HSPA14: variants seen among roughly 807,000 people sequenced by gnomAD.
The protein encoded by HSPA14 is heat shock protein family A (Hsp70) member 14.
A neutral mutation model predicts 65.5 loss-of-function variants in HSPA14; 37 were observed. The ratio of observed to expected loss-of-function variants is 0.56; its 90% CI spans 0.43 to 0.74. The LOEUF (loss-of-function observed/expected upper bound fraction) is 0.74. Ranked by LOEUF, HSPA14 falls within the 30% of genes least tolerant of loss-of-function variation. HSPA14 has a pLI of 0.00. For missense variants in HSPA14, 564 were observed against 607.6 expected (o/e 0.93, Z 0.75); for synonymous variants, 203 against 214.2 (o/e 0.95, Z 0.46).
Position 14,867,307 on chromosome 10 carries a change from T to A in HSPA14, c.1206+12T>A. 1 of 1,542,054 alleles carries A rather than the reference T, an allele frequency of 6.5e-7. No individual in the cohort carries two copies. The highest frequency in any genetic ancestry group is 9.0e-7 in the Non-Finnish European group (1 of 1,114,706). On this transcript the variant is annotated intron_variant, in intron 11 of 13. Coordinates refer to ENST00000378372, the MANE Select transcript of HSPA14 (RefSeq NM_016299.4). ...ATATTTTAGTTAAGGTATGTTTAGCTTTTGTATACTAGTTAAGGTATGTTT... is the reference window on the plus strand; with the variant it reads ...ATATTTTAGTTAAGGTATGTTTAGCATTTGTATACTAGTTAAGGTATGTTT...
At chr10:14,862,371 C>T (rs963093494) in intron 10 of HSPA14, among the ~76,000 whole-genome samples, 2 of 142,258 alleles carry the variant, frequency 1.4e-5, no homozygotes, top group African/African-American at 5.3e-5. Flanking sequence ...TCTTTCTTTT[C>T]TTTTCTTTTT....
In HSPA14 at chr10:14,840,141, C is replaced by A; in HGVS notation, c.205C>A (p.Gln69Lys). ...NISNTVMKVK[Q>K]ILGRSSSDPQ... ...TTCAAATACAGTAATGAAAGTAAAGCAGATCCTGGGCAGAAGGTATGGAAT... is the reference window on the plus strand; with the variant it reads ...TTCAAATACAGTAATGAAAGTAAAGAAGATCCTGGGCAGAAGGTATGGAAT... Residue 69 changes from glutamine to lysine, a missense_variant, in exon 3 of 14, where the codon CAG becomes AAG. Physicochemically the swap from Gln to Lys is moderately conservative, Grantham distance 53. Coordinates refer to ENST00000378372, the MANE Select transcript of HSPA14 (RefSeq NM_016299.4). 1.4e-6 allele frequency: 2 copies of A among 1,452,684 alleles called. No homozygotes were observed. Among genetic ancestry groups the A allele is most frequent in the Non-Finnish European group, 1.8e-6 (2 of 1,086,346 alleles). The allele number at this position is 1,452,684 out of a possible 1,614,324, so 90.0% of individuals were successfully genotyped here.
chr10:14,864,101 C>A (rs964956631), intron 10 of HSPA14, among the ~76,000 whole-genome samples: 33 of 151,762 alleles, frequency 2.2e-4, no homozygotes, highest in African/African-American at 8.0e-4. Flanking sequence ...CCCTGTAGTC[C>A]CAGCTACTCG....
At chr10:14,861,414 C>G (rs915695419) in intron 10 of HSPA14, among the ~76,000 whole-genome samples, 31 of 152,198 alleles carry the variant, frequency 2.0e-4, no homozygotes, top group African/African-American at 7.2e-4. Flanking sequence ...CAACCCCTGT[C>G]TCCCAGGCTC....
intron 12 of HSPA14, among the ~76,000 whole-genome samples, chr10:14,869,776 T>G (rs1488062857): frequency 1.3e-5 from 2 of 152,238 alleles, no homozygotes; most frequent in Non-Finnish European, 2.9e-5. Context: ...TGAACTCAGA[T>G]GGCAGTCCTA....
intron 10 of HSPA14, among the ~76,000 whole-genome samples, chr10:14,859,630 T>C (rs540934438): frequency 6.6e-6 from 1 of 152,328 alleles, no homozygotes; most frequent in African/African-American, 2.4e-5. Flanking sequence ...TTTCATTGCA[T>C]TGATGTACCG....
chr10:14,838,753 G>A (rs76473928), intron 1 of HSPA14, among the ~76,000 whole-genome samples: 5,752 of 152,214 alleles, frequency 0.038, 377 homozygotes, highest in African/African-American at 0.13. Flanking sequence ...GTAGCTGCAG[G>A]GTGCCCGGGG....
In HSPA14 at chr10:14,842,688, G is replaced by A; in HGVS notation, c.221+2531G>A. ...GCCTCTGACGCCCCAGGGGAAGAGG[G>A]AACCGGCATTCTAAAATCAAAAAGG... is the stretch of plus-strand genomic sequence containing the variant. On this transcript the variant is annotated intron_variant, in intron 3 of 13. Transcript: ENST00000378372. This position sits in a 1 kb window ranked among gnomAD's most constrained non-coding sequence, Gnocchi z 5.2. 1 of 1,536,332 alleles carries A rather than the reference G, an allele frequency of 6.5e-7. No individual in the cohort carries two copies. Among genetic ancestry groups the A allele is most frequent in the Non-Finnish European group, 8.7e-7 (1 of 1,146,962 alleles).
chr10:14,860,027 ACTTC>A lies in HSPA14; in HGVS notation c.993+4088_993+4091del, dbSNP rs1390101740. ...GGTATCTGTTCAAATCTTCTTTAAT[ACTTC>A]CTTGTTTTCTTAATATTTACTGTTA... On this transcript the variant is annotated intron_variant, in intron 10 of 13. Transcript: ENST00000378372. 2.6e-5 allele frequency among the ~76,000 whole-genome samples: 4 copies of A among 152,098 alleles called. No individual in the cohort carries two copies. The East Asian group carries it at 7.7e-4, about 29-fold the overall frequency.
intron 10 of HSPA14, among the ~76,000 whole-genome samples, chr10:14,858,616 A>G (rs1424106573): frequency 1.3e-5 from 2 of 152,206 alleles, no homozygotes; most frequent in East Asian, 3.9e-4. Context: ...GGTGCATGTC[A>G]GTGCATTCAC....
In HSPA14 at chr10:14,839,103, C is replaced by T. The variant is rs371021515; in HGVS notation, c.57+644C>T. On this transcript the variant is annotated intron_variant, in intron 1 of 13. Coordinates refer to ENST00000378372, the MANE Select transcript of HSPA14 (RefSeq NM_016299.4). ...GTGAAGCCAGTTGATGGTGCGTGGT[C>T]TACAGAGGTGGCCTTTCTGGAAGTG... is the stretch of plus-strand genomic sequence containing the variant. Among the ~76,000 whole-genome samples, 14 of 152,296 alleles carry T rather than the reference C, an allele frequency of 9.2e-5. No individual in the cohort carries two copies. The South Asian group carries it at 2.3e-3, about 25-fold the overall frequency.
intron 3 of HSPA14, chr10:14,844,985 T>A: frequency 1.0e-6 from 1 of 985,468 alleles, no homozygotes; most frequent in African/African-American, 1.7e-5. Flanking sequence ...GTTTATGTAG[T>A]TAATGGCATC....
At chr10:14,838,954 G>T (rs1833931793) in intron 1 of HSPA14, among the ~76,000 whole-genome samples, 1 of 152,214 alleles carries the variant, frequency 6.6e-6, no homozygotes. Flanking sequence ...GGTACTTGGA[G>T]GCGGTGGTCT....
intron 12 of HSPA14, among the ~76,000 whole-genome samples, chr10:14,868,998 C>T (rs994151718): frequency 1.3e-5 from 2 of 152,066 alleles, no homozygotes; most frequent in Non-Finnish European, 2.9e-5. Flanking sequence ...AGGCGCCCAC[C>T]ACCACGTTCG....
chr10:14,842,406 A>T lies in HSPA14; in HGVS notation c.221+2249A>T. Reference sequence around the variant, plus strand: ...CTCCAGACTGTGCATCACAATGCAGATGTCTATCAGGCTGTGTCTAAGCGA... The same window carrying T: ...CTCCAGACTGTGCATCACAATGCAGTTGTCTATCAGGCTGTGTCTAAGCGA... On this transcript the variant is annotated intron_variant, in intron 3 of 13. Coordinates refer to ENST00000378372, the MANE Select transcript of HSPA14 (RefSeq NM_016299.4). This position sits in a 1 kb window ranked among gnomAD's most constrained non-coding sequence, Gnocchi z 5.2. The T allele has an allele frequency of 6.5e-7, 1 of 1,536,168 alleles. No individual in the cohort carries two copies. Among genetic ancestry groups the T allele is most frequent in the Non-Finnish European group, 8.7e-7 (1 of 1,146,912 alleles).
In HSPA14 at chr10:14,842,482, T is replaced by G; in HGVS notation, c.221+2325T>G. ...CCGAACGTCAGTGCCGCTCCAAGTT[T>G]AAAGTTCTGAAGGCATTATATTTAA... On this transcript the variant is annotated intron_variant, in intron 3 of 13. Coordinates refer to ENST00000378372, the MANE Select transcript of HSPA14 (RefSeq NM_016299.4). The surrounding 1 kb of genome is among the most constrained non-coding windows in gnomAD (Gnocchi z 5.2). 6.5e-7 allele frequency: 1 copy of G among 1,536,170 alleles called. No individual in the cohort carries two copies. Among genetic ancestry groups the G allele is most frequent in the South Asian group, 1.2e-5 (1 of 84,064 alleles).
At position 14,842,153 on chromosome 10, in the gene HSPA14, A is replaced by G. The variant is rs1428497965; in HGVS notation, c.221+1996A>G. On this transcript the variant is annotated intron_variant, in intron 3 of 13. Transcript: ENST00000378372. This position sits in a 1 kb window ranked among gnomAD's most constrained non-coding sequence, Gnocchi z 5.2. ...TTCCAGCCAGAAATGCGGTCCTTGG[A>G]CCTGGCTTCTCAGCAATTATCCCTG... The G allele has an allele frequency of 2.0e-6, 3 of 1,534,490 alleles. No homozygotes were observed. The African/African-American group carries it at 4.1e-5, about 21-fold the overall frequency.
intron 6 of HSPA14, 137 bp downstream of exon 6, chr10:14,849,948 AT>A: frequency 1.7e-6 from 1 of 601,982 alleles, no homozygotes. Context: ...GGTAATGATC[AT>A]TTTTATATGT....
At chr10:14,853,410 G>C (rs1834122520) in intron 8 of HSPA14, among the ~76,000 whole-genome samples, 1 of 152,124 alleles carries the variant, frequency 6.6e-6, no homozygotes, top group Non-Finnish European at 1.5e-5. Flanking sequence ...ATTGTGCTGT[G>C]ATTATAAAGG....
Sources: allele counts gnomAD v4.1 joint callset (sites outside exome capture counted in the v4.1 genomes callset), GRCh38; gene constraint gnomAD v4.1.1; non-coding constraint Gnocchi (gnomAD v3.1); transcripts MANE v1.5; gene names NCBI Gene and HGNC (gene_info 2026-07-23, HGNC 2026-07-21).